FSD1: variants seen among roughly 807,000 people sequenced by gnomAD.
The protein encoded by FSD1 is fibronectin type III and SPRY domain containing 1, also known as fibronectin type III and SPRY domain-containing protein 1.
In FSD1, 23 loss-of-function variants were observed where a neutral mutation model predicts 58.2. The observed-to-expected ratio is 0.40, with a 90% CI of 0.28 to 0.56. The LOEUF (loss-of-function observed/expected upper bound fraction) is 0.56. FSD1 is among the 20% of genes least tolerant of loss of function. FSD1 has a pLI of 0.54. For synonymous variants in FSD1, 265 were observed against 263.4 expected (o/e 1.01, Z -0.06); for missense variants, 563 against 670.8 (o/e 0.84, Z 1.78).
rs1171259499 is a variant in FSD1, at chr19:4,323,428, G to T, written c.1372G>T (p.Ala458Ser). The part of the protein sequence containing the change: ...KTRFTQPLLP[A>S]FTVWCGSFQV... ...CAGGTTCACACAGCCGCTGCTGCCT[G>T]CTTTCACGGTGAGCTGCCCTCCGCG... Residue 458 changes from alanine to serine, a missense_variant, in exon 12 of 13, where the codon GCT (alanine) becomes TCT (serine). Ala to Ser is a moderately conservative substitution (Grantham distance 99). Coordinates refer to ENST00000221856, the MANE Select transcript of FSD1 (RefSeq NM_024333.3). The surrounding 1 kb of genome is among the most constrained non-coding windows in gnomAD (Gnocchi z 7.7). The T allele has an allele frequency of 6.2e-7, 1 of 1,613,532 alleles. No homozygotes were observed. The highest frequency in any genetic ancestry group is 8.5e-7 in the Non-Finnish European group (1 of 1,179,706).
intron 7 of FSD1, among the ~76,000 whole-genome samples, chr19:4,314,188 C>T (rs1381884093): frequency 6.6e-6 from 1 of 152,152 alleles, no homozygotes. Context: ...TAATCATGAG[C>T]ACGCTAACTG....
intron 8 of FSD1, among the ~76,000 whole-genome samples, chr19:4,317,886 G>A (rs575149862): frequency 6.6e-6 from 1 of 152,236 alleles, no homozygotes; most frequent in Admixed American, 6.5e-5. Flanking sequence ...GAGTGGTAGC[G>A]TGTGCCTGTA....
chr19:4,314,164 T>C (rs1445530410), intron 7 of FSD1, among the ~76,000 whole-genome samples: 1 of 152,204 alleles, frequency 6.6e-6, no homozygotes, highest in Admixed American at 6.5e-5. Flanking sequence ...TTATCTGTAA[T>C]TAGCATACAT....
intron 7 of FSD1, among the ~76,000 whole-genome samples, chr19:4,314,924 T>A (rs1971736998): frequency 6.6e-6 from 1 of 152,240 alleles, no homozygotes; most frequent in African/African-American, 2.4e-5. Flanking sequence ...CTACGCTTTA[T>A]AACCATGGCT....
chr19:4,308,595 T>A (rs183524414), intron 4 of FSD1, among the ~76,000 whole-genome samples: 1 of 151,664 alleles, frequency 6.6e-6, no homozygotes, highest in Admixed American at 6.6e-5. Context: ...CAGGGGCTCA[T>A]GCCTGTAATC....
At chr19:4,305,836 G>C in intron 1 of FSD1, 110 bp from the exon 2 acceptor site, 1 of 786,176 alleles carries the variant, frequency 1.3e-6, no homozygotes, top group Non-Finnish European at 2.2e-6. Context: ...GTGCATTTAT[G>C]TACGTGTGTG....
At chr19:4,319,295 A>G (rs1183318544) in intron 10 of FSD1, among the ~76,000 whole-genome samples, 2 of 152,008 alleles carry the variant, frequency 1.3e-5, no homozygotes, top group Non-Finnish European at 2.9e-5. Flanking sequence ...GGAAAGAATC[A>G]TTGCCTATAG....
chr19:4,316,907 C>T (rs62129301), intron 7 of FSD1, among the ~76,000 whole-genome samples: 6,756 of 152,182 alleles, frequency 0.044, 174 homozygotes, highest in Middle Eastern at 0.11. Flanking sequence ...CACACCACCA[C>T]GCCCGGCTAA....
intron 7 of FSD1, among the ~76,000 whole-genome samples, chr19:4,312,600 G>C (rs1248498927): frequency 6.6e-6 from 1 of 151,746 alleles, no homozygotes; most frequent in Non-Finnish European, 1.5e-5. Flanking sequence ...TCAGGAGATC[G>C]AGACCATCCT....
Position 4,323,379 on chromosome 19 carries a change from A to G in FSD1, c.1323A>G (p.Lys441=). ...GLLSFYNART[K]QVLHTFKTRF... ...TGTCCTTCTACAATGCCCGCACCAA[A>G]CAAGTGCTGCACACTTTCAAGACCA... Residue 441 remains lysine (K), a synonymous_variant, in exon 12 of 13, where the codon AAA becomes AAG. Coordinates refer to ENST00000221856, the MANE Select transcript of FSD1 (RefSeq NM_024333.3). The surrounding 1 kb of genome is among the most constrained non-coding windows in gnomAD (Gnocchi z 7.7). The G allele has an allele frequency of 2.5e-6, 4 of 1,613,560 alleles. No individual in the cohort carries two copies. The highest frequency in any genetic ancestry group is 1.7e-6 in the Non-Finnish European group (2 of 1,179,788).
intron 7 of FSD1, among the ~76,000 whole-genome samples, chr19:4,312,304 C>T (rs1971702324): frequency 6.6e-6 from 1 of 151,716 alleles, no homozygotes; most frequent in Non-Finnish European, 1.5e-5. Context: ...GCGTGGCCAA[C>T]ATGGTGAAAC....
In FSD1 at chr19:4,306,190, C is replaced by T. The variant is rs370611382; in HGVS notation, c.112-8C>T. 1.6e-3 allele frequency: 2,519 copies of T among 1,613,804 alleles called. 3 individuals are homozygous for T. The highest frequency in any genetic ancestry group is 2.0e-3 in the Non-Finnish European group (2,313 of 1,179,834). ...GGGCTTTGGCCGATTCTGGCTGTTCCGACCCAGGCGAACTCGGCGAAGGTG... is the reference window on the plus strand; with the variant it reads ...GGGCTTTGGCCGATTCTGGCTGTTCTGACCCAGGCGAACTCGGCGAAGGTG... On this transcript the variant is annotated splice_region_variant and splice_polypyrimidine_tract_variant and intron_variant, in intron 2 of 12. Transcript: ENST00000221856.
At chr19:4,319,539 G>A (rs995905675) in intron 10 of FSD1, among the ~76,000 whole-genome samples, 5 of 152,130 alleles carry the variant, frequency 3.3e-5, no homozygotes, top group African/African-American at 1.2e-4. Context: ...AAAAGTATGA[G>A]GAAGTCATTG....
chr19:4,309,662 C>T (rs1243430238), intron 4 of FSD1, among the ~76,000 whole-genome samples: 1 of 152,122 alleles, frequency 6.6e-6, no homozygotes, highest in Non-Finnish European at 1.5e-5. Context: ...GTAATCCCAG[C>T]ACTTTGGGAG....
At chr19:4,305,923 T>C (rs1971615438) in intron 1 of FSD1, 23 bp from the exon 2 acceptor site, 1 of 1,569,430 alleles carries the variant, frequency 6.4e-7, no homozygotes, top group Admixed American at 1.7e-5. Flanking sequence ...CACCTGTGTG[T>C]GTCCACACTT....
intron 7 of FSD1, among the ~76,000 whole-genome samples, chr19:4,313,102 C>G (rs1971713120): frequency 6.7e-6 from 1 of 150,018 alleles, no homozygotes; most frequent in Non-Finnish European, 1.5e-5. Flanking sequence ...TGATACAGCA[C>G]TTTGGGAGGC....
At chr19:4,309,806 G>A (rs1399443013) in intron 4 of FSD1, among the ~76,000 whole-genome samples, 2 of 152,066 alleles carry the variant, frequency 1.3e-5, no homozygotes, top group Non-Finnish European at 2.9e-5. Context: ...CTACTCGGGA[G>A]GCTGAGGCAG....
chr19:4,321,733 G>C (rs1391288876), intron 10 of FSD1, among the ~76,000 whole-genome samples: 1 of 149,576 alleles, frequency 6.7e-6, no homozygotes. Flanking sequence ...AGGAGTATCT[G>C]GGGGGAAATA....
At chr19:4,306,445 A>AC in intron 3 of FSD1, 116 bp downstream of exon 3, 2 of 952,710 alleles carry the variant, frequency 2.1e-6, no homozygotes, top group Non-Finnish European at 3.2e-6. Flanking sequence ...CTCTCCCCTG[A>AC]CCCCTCCATC....
Sources: allele counts gnomAD v4.1 joint callset (sites outside exome capture counted in the v4.1 genomes callset), GRCh38; gene constraint gnomAD v4.1.1; non-coding constraint Gnocchi (gnomAD v3.1); transcripts MANE v1.5; gene names NCBI Gene and HGNC (gene_info 2026-07-23, HGNC 2026-07-21).